The following SGMS1 variants were observed in gnomAD, a reference collection of about 807,000 sequenced individuals.
The protein encoded by SGMS1 is sphingomyelin synthase 1.
In SGMS1, 13 loss-of-function variants were observed where a neutral mutation model predicts 46.2. The ratio of observed to expected loss-of-function variants is 0.28; its 90% CI spans 0.18 to 0.45. The LOEUF is 0.45. Ranked by LOEUF, SGMS1 falls within the 20% of genes least tolerant of loss-of-function variation. The pLI, the probability that SGMS1 is intolerant of heterozygous loss-of-function variation, is 1.00. For synonymous variants in SGMS1, 203 were observed against 187.8 expected, an observed-to-expected ratio of 1.08 and a Z score of -0.66; for missense variants, 324 against 519.9, an observed-to-expected ratio of 0.62 and a Z score of 3.66.
chr10:50,613,682 A>T (rs1353595534), intron 1 of SGMS1, among the ~76,000 whole-genome samples: 1 of 152,214 alleles, frequency 6.6e-6, no homozygotes. Flanking sequence ...TCCCAAATAC[A>T]ACTTACTTGT....
chr10:50,417,326 TGTTA>T (rs954900239), intron 6 of SGMS1, among the ~76,000 whole-genome samples: 17 of 152,156 alleles, frequency 1.1e-4, no homozygotes, highest in Middle Eastern at 3.2e-3. Flanking sequence ...TGGATAAAAA[TGTTA>T]TGATAAATAT....
At chr10:50,536,351 AC>A (rs1406439962) in intron 2 of SGMS1, among the ~76,000 whole-genome samples, 3 of 152,178 alleles carry the variant, frequency 2.0e-5, no homozygotes, top group Non-Finnish European at 2.9e-5. Context: ...AAACAAACAA[AC>A]AAAAAAAACC....
At chr10:50,536,673 T>C (rs1241686106) in intron 2 of SGMS1, among the ~76,000 whole-genome samples, 1 of 152,246 alleles carries the variant, frequency 6.6e-6, no homozygotes, top group South Asian at 2.1e-4. Context: ...CTCTCCTCCA[T>C]GTTTACAAAG....
intron 2 of SGMS1, among the ~76,000 whole-genome samples, chr10:50,535,610 C>T (rs957707631): frequency 1.3e-5 from 2 of 152,114 alleles, no homozygotes; most frequent in African/African-American, 2.4e-5. Context: ...CTTCGTGATC[C>T]ACCCGCCTCG....
chr10:50,450,926 G>A (rs963662267), intron 5 of SGMS1, among the ~76,000 whole-genome samples: 2 of 151,520 alleles, frequency 1.3e-5, no homozygotes, highest in Non-Finnish European at 3.0e-5. Context: ...AAAAGAAAAA[G>A]AAAACTCTAG....
chr10:50,607,362 A>G (rs1158085351), intron 1 of SGMS1, among the ~76,000 whole-genome samples: 1 of 152,160 alleles, frequency 6.6e-6, no homozygotes, highest in Non-Finnish European at 1.5e-5. Flanking sequence ...CTAACAGTCA[A>G]TGGTTGCTTG....
intron 6 of SGMS1, among the ~76,000 whole-genome samples, chr10:50,355,004 C>G (rs1259962487): frequency 6.6e-6 from 1 of 152,200 alleles, no homozygotes; most frequent in Non-Finnish European, 1.5e-5. Context: ...GGACTGTAAA[C>G]TAGTTCAACC....
At chr10:50,553,793 T>G (rs1001285452) in intron 2 of SGMS1, among the ~76,000 whole-genome samples, 10 of 152,306 alleles carry the variant, frequency 6.6e-5, no homozygotes, top group Admixed American at 5.9e-4. Flanking sequence ...GTCATCTACA[T>G]TAGTTAAATC....
chr10:50,532,225 CTGTG>C (rs71029313), intron 2 of SGMS1, among the ~76,000 whole-genome samples: 20,079 of 130,186 alleles, frequency 0.15, 1,567 homozygotes, highest in Middle Eastern at 0.23. Context: ...CTGAATGAGA[CTGTG>C]TGTGTGTGTG....
At chr10:50,348,286 C>A (rs1053027237) in intron 6 of SGMS1, among the ~76,000 whole-genome samples, 2 of 152,202 alleles carry the variant, frequency 1.3e-5, no homozygotes, top group East Asian at 3.9e-4. Context: ...CACTCCTATT[C>A]AACATAGTAT....
At chr10:50,461,346 G>T (rs1837261911) in intron 4 of SGMS1, among the ~76,000 whole-genome samples, 1 of 152,054 alleles carries the variant, frequency 6.6e-6, no homozygotes, top group Admixed American at 6.6e-5. Flanking sequence ...CACATTTCCT[G>T]GTAGCATAAT....
At chr10:50,599,680 T>C (rs565325164) in intron 1 of SGMS1, among the ~76,000 whole-genome samples, 44 of 152,190 alleles carry the variant, frequency 2.9e-4, no homozygotes, top group Middle Eastern at 3.4e-3. Context: ...CTGGCCAACA[T>C]AGTGAAACCC....
Position 50,339,993 on chromosome 10 carries a change from A to C in SGMS1, c.623+3499T>G, listed in dbSNP as rs114887192. On this transcript the variant is annotated intron_variant, in intron 7 of 10. Coordinates refer to ENST00000361781, the MANE Select transcript of SGMS1 (RefSeq NM_147156.4). ...GAAATGGAAAGAAGAAATGGATCTA[A>C]AATTAGAATGGAAACAACTTAGTGA... Among the ~76,000 whole-genome samples, 502 of 152,306 alleles carry C rather than the reference A, an allele frequency of 3.3e-3. 5 individuals are homozygous for C. Among genetic ancestry groups the C allele is most frequent in the African/African-American group, 0.012 (490 of 41,570 alleles).
chr10:50,389,698 T>C (rs1477353482), intron 6 of SGMS1, among the ~76,000 whole-genome samples: 1 of 152,226 alleles, frequency 6.6e-6, no homozygotes, highest in African/African-American at 2.4e-5. Context: ...GAAAAGGTTC[T>C]TTGGTAGCCC....
At chr10:50,484,073 A>G (rs1837499624) in intron 3 of SGMS1, among the ~76,000 whole-genome samples, 1 of 152,174 alleles carries the variant, frequency 6.6e-6, no homozygotes, top group African/African-American at 2.4e-5. Flanking sequence ...AGAGATGCAA[A>G]AAAACCCTTC....
chr10:50,314,626 C>T (rs1847309749), intron 8 of SGMS1, among the ~76,000 whole-genome samples: 1 of 152,136 alleles, frequency 6.6e-6, no homozygotes, highest in African/African-American at 2.4e-5. Context: ...AAAAATATCC[C>T]ACTGTAACAC....
chr10:50,322,290 T>C (rs961849390), intron 8 of SGMS1, among the ~76,000 whole-genome samples: 1 of 152,190 alleles, frequency 6.6e-6, no homozygotes, highest in East Asian at 1.9e-4. Flanking sequence ...CGCCCAAACA[T>C]GCATCTCATT....
intron 6 of SGMS1, among the ~76,000 whole-genome samples, chr10:50,357,438 G>A (rs1848173034): frequency 6.6e-6 from 1 of 152,054 alleles, no homozygotes; most frequent in African/African-American, 2.4e-5. Flanking sequence ...AAACAAGACA[G>A]GGTTAACAAT....
intron 3 of SGMS1, among the ~76,000 whole-genome samples, chr10:50,503,773 A>T (rs1163823771): frequency 1.3e-5 from 2 of 152,168 alleles, no homozygotes; most frequent in Non-Finnish European, 2.9e-5. Flanking sequence ...GCTAGGGTTC[A>T]CTGCCCCGTG....
Sources: gnomAD v4.1 joint callset for allele counts (sites outside exome capture counted in the v4.1 genomes callset) on GRCh38, gnomAD v4.1.1 for gene constraint, MANE v1.5 for transcripts, NCBI Gene and HGNC (gene_info 2026-07-23, HGNC 2026-07-21) for gene names.